KANSL1L: variants seen among roughly 807,000 people sequenced by gnomAD.
KANSL1L encodes KAT8 regulatory NSL complex subunit 1-like protein.
In KANSL1L, 25 loss-of-function variants were observed where a neutral mutation model predicts 108.6. The ratio of observed to expected loss-of-function variants is 0.23; its 90% CI spans 0.17 to 0.32. KANSL1L has a LOEUF of 0.32. KANSL1L is among the 10% of genes least tolerant of loss of function. The pLI is 1.00. For missense variants in KANSL1L, 1,137 were observed against 1,125.7 expected, an observed-to-expected ratio of 1.01 and a Z score of -0.14; for synonymous variants, 405 against 395.1, an observed-to-expected ratio of 1.03 and a Z score of -0.30.
At position 210,129,100 on chromosome 2, in the gene KANSL1L, A is replaced by C. The variant is rs1368079057; in HGVS notation, c.1161T>G (p.Ala387=). The change falls in exon 3 of 15, where the codon GCT becomes GCG. Residue 387 remains alanine, a synonymous_variant. Transcript: ENST00000281772. ...RVGSRWTWLQ[A]QISDLECKIQ... ...TTTTGCATTCTAGGTCTGAAATCTG[A>C]GCTTGAAGCCAAGTCCATCGGCTGC... 1 of 1,613,816 alleles carries C rather than the reference A, an allele frequency of 6.2e-7. No homozygotes were observed. Among genetic ancestry groups the C allele is most frequent in the East Asian group, 2.2e-5 (1 of 44,888 alleles).
intron 2 of KANSL1L, among the ~76,000 whole-genome samples, chr2:210,138,580 AC>A (rs1453211015): frequency 1.3e-5 from 2 of 152,204 alleles, no homozygotes; most frequent in Admixed American, 6.5e-5. Flanking sequence ...ATTGGGACTT[AC>A]GCTTTTTAAA....
chr2:210,037,559 A>T (rs1478712872), intron 8 of KANSL1L, among the ~76,000 whole-genome samples: 1 of 152,142 alleles, frequency 6.6e-6, no homozygotes, highest in East Asian at 1.9e-4. Flanking sequence ...TTTTCTCTTT[A>T]ATTTTTACTG....
intron 3 of KANSL1L, among the ~76,000 whole-genome samples, chr2:210,111,394 T>C (rs2094903434): frequency 6.6e-6 from 1 of 152,188 alleles, no homozygotes; most frequent in Non-Finnish European, 1.5e-5. Context: ...TAGAGATTAA[T>C]GTTTTATTAT....
intron 2 of KANSL1L, among the ~76,000 whole-genome samples, chr2:210,143,247 T>C (rs1459406958): frequency 2.0e-5 from 3 of 152,098 alleles, no homozygotes; most frequent in South Asian, 2.1e-4. Flanking sequence ...TTTTCTGATA[T>C]ACATGTAGCT....
chr2:210,029,133 C>A, intron 10 of KANSL1L, 164 bp from the exon 11 acceptor site: 1 of 555,152 alleles, frequency 1.8e-6, no homozygotes, highest in Non-Finnish European at 3.1e-6. Flanking sequence ...AAAAATAAAA[C>A]ATTTTTCTAT....
intron 6 of KANSL1L, among the ~76,000 whole-genome samples, chr2:210,072,989 C>T (rs2094517781): frequency 6.6e-6 from 1 of 152,112 alleles, no homozygotes; most frequent in Non-Finnish European, 1.5e-5. Context: ...TTCCTTTTCA[C>T]CAATTTATCT....
At chr2:210,023,634 T>G (rs190197261) in intron 14 of KANSL1L, among the ~76,000 whole-genome samples, 2 of 152,338 alleles carry the variant, frequency 1.3e-5, no homozygotes, top group Admixed American at 6.5e-5. Flanking sequence ...GTAAGAACTT[T>G]ATGGATGCAG....
intron 8 of KANSL1L, chr2:210,032,401 T>A (rs1475734279): frequency 6.6e-6 from 1 of 152,232 alleles, no homozygotes; most frequent in African/African-American, 2.4e-5. Flanking sequence ...GAGGAATCTC[T>A]AAAAGACTAA....
intron 10 of KANSL1L, chr2:210,029,206 C>CA (rs2093980958): frequency 2.7e-6 from 1 of 369,214 alleles, no homozygotes; most frequent in South Asian, 5.5e-5. Context: ...TGCAAGCATA[C>CA]AAGCTTATTT....
chr2:210,144,888 G>T (rs780564043), intron 2 of KANSL1L, among the ~76,000 whole-genome samples: 5 of 152,058 alleles, frequency 3.3e-5, no homozygotes, highest in African/African-American at 1.2e-4. Context: ...GGCTTTTCAC[G>T]TTGCTTGTTA....
intron 6 of KANSL1L, among the ~76,000 whole-genome samples, chr2:210,053,540 T>C (rs921253648): frequency 1.3e-5 from 2 of 152,068 alleles, no homozygotes; most frequent in African/African-American, 4.8e-5. Flanking sequence ...AAGGCTACAG[T>C]GAGCTGAGAT....
rs567874255 is a variant in KANSL1L at position 210,099,479 on chromosome 2, T to C, written c.1429-1272A>G. The stretch of plus-strand genomic sequence containing the variant: ...GAAAGACCTTGAAATGTTTTCACCA[T>C]TTATTTTGAAGATAGTATGCACCTA... On this transcript the variant is annotated intron_variant, in intron 4 of 14. Transcript: ENST00000281772. Among the ~76,000 whole-genome samples, 15 of 152,346 alleles carry C rather than the reference T, an allele frequency of 9.8e-5. No individual in the cohort carries two copies. In the East Asian group the frequency reaches 2.9e-3, roughly 29 times the overall value.
intron 5 of KANSL1L, among the ~76,000 whole-genome samples, chr2:210,086,350 T>C (rs2094637044): frequency 6.6e-6 from 1 of 152,122 alleles, no homozygotes; most frequent in Non-Finnish European, 1.5e-5. Flanking sequence ...TTTATCTTCA[T>C]TTTAGAGTAT....
chr2:210,151,366 T>C (rs556879026), intron 2 of KANSL1L: 1 of 152,294 alleles, frequency 6.6e-6, no homozygotes, highest in Non-Finnish European at 1.5e-5. Context: ...GACAAATCTT[T>C]CCATTAGCTC....
intron 6 of KANSL1L, among the ~76,000 whole-genome samples, chr2:210,057,044 T>G (rs1226548013): frequency 6.6e-6 from 1 of 152,168 alleles, no homozygotes; most frequent in African/African-American, 2.4e-5. Flanking sequence ...TCTCCATCCC[T>G]TTGAATTTGG....
chr2:210,109,520 A>C (rs1455903029), intron 3 of KANSL1L, among the ~76,000 whole-genome samples: 1 of 152,214 alleles, frequency 6.6e-6, no homozygotes, highest in East Asian at 1.9e-4. Context: ...TTTAGATTGC[A>C]TAAGAACTCA....
intron 2 of KANSL1L, among the ~76,000 whole-genome samples, chr2:210,147,114 C>G (rs888360700): frequency 2.6e-5 from 4 of 152,162 alleles, no homozygotes; most frequent in Admixed American, 6.6e-5. Flanking sequence ...AACAAATGAG[C>G]TTATTTTAAT....
intron 6 of KANSL1L, among the ~76,000 whole-genome samples, chr2:210,060,152 T>C (rs1425416166): frequency 6.6e-6 from 1 of 152,224 alleles, no homozygotes; most frequent in East Asian, 1.9e-4. Context: ...ACATACCTAA[T>C]CATTCACATT....
At chr2:210,068,873 G>A (rs1282306531) in intron 6 of KANSL1L, among the ~76,000 whole-genome samples, 1 of 152,148 alleles carries the variant, frequency 6.6e-6, no homozygotes, top group Non-Finnish European at 1.5e-5. Flanking sequence ...CTTCTGCTTA[G>A]ATGATTGATT....
Sources: allele counts gnomAD v4.1 joint callset (sites outside exome capture counted in the v4.1 genomes callset), GRCh38; gene constraint gnomAD v4.1.1; transcripts MANE v1.5; gene names NCBI Gene and HGNC (gene_info 2026-07-23, HGNC 2026-07-21).